CD1A: variants seen among roughly 807,000 people sequenced by gnomAD.
The protein encoded by CD1A is T-cell surface glycoprotein CD1a.
Under a neutral mutation model 38.3 loss-of-function variants are expected in CD1A, and 50 were observed. The ratio of observed to expected loss-of-function variants is 1.30; its 90% CI spans 1.04 to 1.65. CD1A has a LOEUF of 1.65. CD1A is among the 40% of genes most tolerant of loss of function. The pLI, the probability that CD1A is intolerant of heterozygous loss-of-function variation, is 0.00. For synonymous variants in CD1A, 160 were observed against 150.8 expected, an observed-to-expected ratio of 1.06 and a Z score of -0.45; for missense variants, 459 against 406.1, an observed-to-expected ratio of 1.13 and a Z score of -1.12.
chr1:158,248,820 T>A, the CD1A span, among the ~76,000 whole-genome samples: 7 of 152,180 alleles, frequency 4.6e-5, no homozygotes, highest in Non-Finnish European at 1.0e-4. Context: ...CTCCTTCAGA[T>A]CCTGCCCTGT....
chr1:158,255,337 A>G lies in CD1A; in HGVS notation c.312A>G (p.Glu104=). 6.2e-7 allele frequency: 1 copy of G among 1,613,790 alleles called. No homozygotes were observed. Among genetic ancestry groups the G allele is most frequent in the Non-Finnish European group, 8.5e-7 (1 of 1,179,732 alleles). Residue 104 remains glutamate, a synonymous_variant, in exon 2 of 6, where the codon GAA becomes GAG. Transcript: ENST00000289429. The part of the protein sequence containing the change: ...SFEGIRRYAH[E]LQFEYPFEIQ... ...AGGGAATTCGTAGATACGCCCATGA[A>G]TTGCAGTTTGAATGTGAGTTCAGTT... is the stretch of plus-strand genomic sequence containing the variant.
At chr1:158,254,030 GGTTTTTTTTTTTTTTTTTTTTTTT>G (rs1650154135), upstream of CD1A, 3 of 45,830 alleles carry the variant, frequency 6.5e-5, no homozygotes, top group Admixed American at 3.9e-4. Flanking sequence ...GTGTTCCTGT[GGTTTTTTTTTTTTTTTTTTTTTTT>G]TTTTTTTTTT....
intron 4 of CD1A, 105 bp downstream of exon 4, chr1:158,257,169 C>T: frequency 7.3e-7 from 1 of 1,370,878 alleles, no homozygotes; most frequent in Non-Finnish European, 9.9e-7. Context: ...ATAGCCCAAA[C>T]ATGAATAAAA....
upstream of CD1A, among the ~76,000 whole-genome samples, chr1:158,251,070 T>C (rs1650073789): frequency 1.3e-5 from 2 of 152,232 alleles, no homozygotes; most frequent in Non-Finnish European, 2.9e-5. Context: ...ACATAAACAG[T>C]TGATGAACAT....
intron 5 of CD1A, 46 bp from the exon 6 acceptor site, chr1:158,257,635 C>T: frequency 6.2e-7 from 1 of 1,610,026 alleles, no homozygotes; most frequent in Non-Finnish European, 8.5e-7. Flanking sequence ...CCTCAATTCT[C>T]AGCTCCACCT....
At chr1:158,254,206 G>T (rs1399281485), upstream of CD1A, 3 of 1,012,788 alleles carry the variant, frequency 3.0e-6, no homozygotes, top group Non-Finnish European at 2.4e-6. Flanking sequence ...TGTAGTAAGG[G>T]GCTGAAGAGA....
At chr1:158,256,753 T>C in intron 3 of CD1A, 33 bp from the exon 4 acceptor site, 1 of 1,598,556 alleles carries the variant, frequency 6.3e-7, no homozygotes, top group Non-Finnish European at 8.5e-7. Context: ...AAACTCCAAG[T>C]CTGTATTTGA....
In CD1A at chr1:158,254,816, TGTGTGTG is replaced by T. The variant is rs1650190629; in HGVS notation, c.58+90_58+96del. 1.9e-5 allele frequency: 17 copies of T among 886,684 alleles called. No homozygotes were observed. In the South Asian group the frequency reaches 2.2e-4, roughly 11 times the overall value. 54.9% of individuals were successfully genotyped at this position (886,684 alleles called of 1,614,324 possible). On this transcript the variant is annotated intron_variant, in intron 1 of 5. Coordinates refer to ENST00000289429, the MANE Select transcript of CD1A (RefSeq NM_001763.3). ...GTGTGTGTGTGTGTGTGTGTGTGTG[TGTGTGTG>T]TGTGTGTGTGGTTTCCCTAGCATAT... is the stretch of plus-strand genomic sequence containing the variant.
intron 2 of CD1A, 88 bp from the exon 3 acceptor site, chr1:158,255,916 A>C: frequency 1.2e-5 from 14 of 1,198,506 alleles, no homozygotes; most frequent in East Asian, 2.4e-5. Context: ...AACCCTGCAC[A>C]CTTCCCCCTT....
rs1022289158 is a variant in CD1A, at chr1:158,255,193, C to A, written c.168C>A (p.Thr56=). The change falls in exon 2 of 6, where the codon ACC becomes ACA. Residue 56 remains threonine, a synonymous_variant. Transcript: ENST00000289429. ...GGCTGAGTGATTTGCAGACTCATACCTGGGACAGCAATTCCAGCACCATCG... is the reference window on the plus strand; with the variant it reads ...GGCTGAGTGATTTGCAGACTCATACATGGGACAGCAATTCCAGCACCATCG... ...SGWLSDLQTH[T]WDSNSSTIVF... is the part of the protein sequence containing the mutation. 9.9e-6 allele frequency: 16 copies of A among 1,613,994 alleles called. No individual in the cohort carries two copies. The highest frequency in any genetic ancestry group is 1.3e-5 in the Non-Finnish European group (15 of 1,180,032).
chr1:158,254,398 A>G (rs952186017), upstream of CD1A: 2 of 1,294,824 alleles, frequency 1.5e-6, no homozygotes, highest in East Asian at 3.7e-5. Context: ...CTTGTTCCAT[A>G]GCAGTTGAAT....
upstream of CD1A, among the ~76,000 whole-genome samples, chr1:158,249,708 G>A (rs553150050): frequency 2.0e-5 from 3 of 152,276 alleles, no homozygotes; most frequent in African/African-American, 7.2e-5. Context: ...ATGGTGTTTT[G>A]TTTTGTTATT....
intron 4 of CD1A, among the ~76,000 whole-genome samples, 154 bp from the exon 5 acceptor site, chr1:158,257,267 G>T (rs1378631326): frequency 6.6e-6 from 1 of 152,118 alleles, no homozygotes; most frequent in Non-Finnish European, 1.5e-5. Context: ...ATCCATCTCT[G>T]AGCAGGGATG....
chr1:158,254,663 A>C lies in CD1A; in HGVS notation c.-7A>C. 6.2e-7 allele frequency: 1 copy of C among 1,614,166 alleles called. No individual in the cohort carries two copies. The highest frequency in any genetic ancestry group is 8.5e-7 in the Non-Finnish European group (1 of 1,180,014). ...TCTGAGAGAAGGAAATAACATCTGCAAATGATATGCTGTTTTTGCTACTTC... is the reference window on the plus strand; with the variant it reads ...TCTGAGAGAAGGAAATAACATCTGCCAATGATATGCTGTTTTTGCTACTTC... On this transcript the variant is annotated 5_prime_UTR_variant, in exon 1 of 6. Transcript: ENST00000289429.
rs1045671736 is a variant in CD1A at position 158,257,055 on chromosome 1, C to G, written c.874C>G (p.Leu292Val). 8.7e-6 allele frequency: 14 copies of G among 1,609,972 alleles called. No individual in the cohort carries two copies. Among genetic ancestry groups the G allele is most frequent in the Non-Finnish European group, 1.2e-5 (14 of 1,177,040 alleles). Residue 292 changes from leucine to valine, a missense_variant, in exon 4 of 6, where the codon CTC (leucine) becomes GTC (valine). Physicochemically the swap from Leu to Val is conservative, Grantham distance 32. Transcript: ENST00000289429. ...CAGTCTAGAGGGCCAGGACATCGTC[C>G]TCTACTGGGGTGAGAAAAAGCTAAG... The part of the protein sequence containing the change: ...HSSLEGQDIV[L>V]YWEHHSSVGF...
chr1:158,248,366 G>A, the CD1A span: 1 of 985,216 alleles, frequency 1.0e-6, no homozygotes, highest in Non-Finnish European at 1.2e-6. Flanking sequence ...GCTTCAATGG[G>A]GAAGGAAGAA....
At chr1:158,255,976 C>T (rs1173839488) in intron 2 of CD1A, 28 bp from the exon 3 acceptor site, 5 of 1,584,608 alleles carry the variant, frequency 3.2e-6, no homozygotes, top group Admixed American at 3.6e-5. Context: ...ATTTTTTTCT[C>T]CCTCTTTCCT....
chr1:158,256,367 A>G, intron 3 of CD1A, 85 bp downstream of exon 3: 1 of 1,352,660 alleles, frequency 7.4e-7, no homozygotes, highest in Admixed American at 1.9e-5. Flanking sequence ...AATAAGGAAG[A>G]GCCACCCAGA....
chr1:158,254,737 C>T lies in CD1A; in HGVS notation c.58+10C>T, dbSNP rs1399930845. 1.3e-6 allele frequency: 2 copies of T among 1,591,818 alleles called. No homozygotes were observed. The highest frequency in any genetic ancestry group is 1.7e-5 in the Admixed American group (1 of 59,924). On this transcript the variant is annotated intron_variant, in intron 1 of 5. Coordinates refer to ENST00000289429, the MANE Select transcript of CD1A (RefSeq NM_001763.3). ...GATGGCAATGCAGACGGTAAGAACTCTGACAACTGCCCAGTTGGGTGGTGG... is the reference window on the plus strand; with the variant it reads ...GATGGCAATGCAGACGGTAAGAACTTTGACAACTGCCCAGTTGGGTGGTGG...
Sources: gnomAD v4.1 joint callset for allele counts (sites outside exome capture counted in the v4.1 genomes callset) on GRCh38, gnomAD v4.1.1 for gene constraint, MANE v1.5 for transcripts, NCBI Gene and HGNC (gene_info 2026-07-23, HGNC 2026-07-21) for gene names.